The following ERCC8 variants were observed in gnomAD, a reference collection of about 807,000 sequenced individuals.
ERCC8 encodes the protein DNA excision repair protein ERCC-8.
Under a neutral mutation model 54.9 loss-of-function variants are expected in ERCC8, and 52 were observed. The observed-to-expected ratio is 0.95, with a 90% CI of 0.76 to 1.19. The LOEUF is 1.19. ERCC8 is among the 50% of genes most tolerant of loss of function. The pLI is 0.00. For missense variants in ERCC8, 514 were observed against 466.1 expected (o/e 1.10, Z -0.95); for synonymous variants, 146 against 157.2 (o/e 0.93, Z 0.53).
chr5:60,893,555 T>C, intron 9 of ERCC8: 1 of 697,548 alleles, frequency 1.4e-6, no homozygotes, highest in Admixed American at 2.2e-5. Context: ...TGGCTTTTCA[T>C]TTTTGTTTCT....
At chr5:60,895,237 T>A (rs1409422464) in intron 9 of ERCC8, among the ~76,000 whole-genome samples, 1 of 151,814 alleles carries the variant, frequency 6.6e-6, no homozygotes, top group African/African-American at 2.4e-5. Context: ...TGTGTATGTG[T>A]ATGTATATAT....
At chr5:60,924,599 G>A (rs761127625) in intron 2 of ERCC8, 8 of 154,440 alleles carry the variant, frequency 5.2e-5, no homozygotes, top group African/African-American at 1.9e-4. Flanking sequence ...TCCTAGAAAA[G>A]CTTTCTTGAA....
Position 60,867,622 on chromosome 5 carries a change from C to A in ERCC8, c.*6993G>T, listed in dbSNP as rs1747780745. 6.6e-6 allele frequency among the ~76,000 whole-genome samples: 1 copy of A among 152,108 alleles called. No homozygotes were observed. Among genetic ancestry groups the A allele is most frequent in the African/African-American group, 2.4e-5 (1 of 41,418 alleles). On this transcript the variant is annotated 3_prime_UTR_variant, in exon 12 of 12. Transcript: ENST00000676185. The stretch of plus-strand genomic sequence containing the variant: ...TTATTAGGAATGTTCTTTGTTTTAG[C>A]ATAAGTTTGAACAGTGTATTTATTT...
chr5:60,917,215 G>C (rs1355019812), intron 4 of ERCC8, among the ~76,000 whole-genome samples: 4 of 152,010 alleles, frequency 2.6e-5, no homozygotes, highest in Non-Finnish European at 5.9e-5. Flanking sequence ...GGCATCTACA[G>C]TCTTGGCTCA....
chr5:60,904,634 G>GTGTGTATA (rs1406862264), intron 5 of ERCC8, among the ~76,000 whole-genome samples, 158 bp downstream of exon 5: 10 of 49,928 alleles, frequency 2.0e-4, no homozygotes, highest in African/African-American at 8.4e-4. Context: ...GTGTGTGTGT[G>GTGTGTATA]TATATATATA....
intron 4 of ERCC8, among the ~76,000 whole-genome samples, chr5:60,916,677 G>A (rs1403899249): frequency 2.0e-5 from 3 of 151,688 alleles, no homozygotes; most frequent in African/African-American, 7.3e-5. Context: ...AATGTAGCAA[G>A]GTCAAAAAAA....
At chr5:60,890,180 T>C (rs1293102348) in intron 10 of ERCC8, among the ~76,000 whole-genome samples, 2 of 152,172 alleles carry the variant, frequency 1.3e-5, no homozygotes, top group Non-Finnish European at 2.9e-5. Flanking sequence ...AATGAATGAA[T>C]AGGAGATTCA....
At chr5:60,944,631 AAG>A (rs1750369684) in intron 1 of ERCC8, among the ~76,000 whole-genome samples, 1 of 152,088 alleles carries the variant, frequency 6.6e-6, no homozygotes, top group Non-Finnish European at 1.5e-5. Flanking sequence ...GGAGTAACTT[AAG>A]AGAGAAGGAA....
At chr5:60,927,715 T>C (rs560543122) in intron 2 of ERCC8, among the ~76,000 whole-genome samples, 2 of 152,310 alleles carry the variant, frequency 1.3e-5, no homozygotes, top group South Asian at 4.1e-4. Context: ...CTGCTGCTCA[T>C]GTCTGCATGT....
intron 4 of ERCC8, among the ~76,000 whole-genome samples, chr5:60,914,180 T>C (rs557440738): frequency 6.6e-6 from 1 of 152,222 alleles, no homozygotes; most frequent in East Asian, 1.9e-4. Context: ...TGTCTAATGT[T>C]GAGAGTGGGG....
At position 60,943,977 on chromosome 5, in the gene ERCC8, A is replaced by C. The variant is rs1750345329; in HGVS notation, c.77+955T>G. Among the ~76,000 whole-genome samples, 3 of 152,236 alleles carry C rather than the reference A, an allele frequency of 2.0e-5. No homozygotes were observed. The South Asian group carries it at 6.2e-4, about 32-fold the overall frequency. ...ATATTTAAATTTCTCCAGAACGCAG[A>C]ACTCATAAGCAACTGTGTTCTCCAA... On this transcript the variant is annotated intron_variant, in intron 1 of 11. Transcript: ENST00000676185.
At chr5:60,920,399 A>G (rs1749568512) in intron 3 of ERCC8, among the ~76,000 whole-genome samples, 1 of 151,948 alleles carries the variant, frequency 6.6e-6, no homozygotes, top group African/African-American at 2.4e-5. Flanking sequence ...TTATATTTTA[A>G]GTTTAAATTT....
At chr5:60,944,132 G>T (rs1750351374) in intron 1 of ERCC8, among the ~76,000 whole-genome samples, 1 of 151,432 alleles carries the variant, frequency 6.6e-6, no homozygotes, top group African/African-American at 2.4e-5. Context: ...CATAGATCTG[G>T]GAATCATTAT....
intron 11 of ERCC8, among the ~76,000 whole-genome samples, chr5:60,875,977 G>A (rs1041184842): frequency 6.6e-6 from 1 of 151,898 alleles, no homozygotes; most frequent in Non-Finnish European, 1.5e-5. Flanking sequence ...CCATGTTGGT[G>A]TGCTGCACCC....
chr5:60,944,479 T>C (rs2112555961), intron 1 of ERCC8, among the ~76,000 whole-genome samples: 1 of 152,336 alleles, frequency 6.6e-6, no homozygotes, highest in East Asian at 1.9e-4. Flanking sequence ...CCTACCCCAA[T>C]TCTCCGCTCT....
At chr5:60,878,718 C>T (rs1032247263) in intron 11 of ERCC8, among the ~76,000 whole-genome samples, 1 of 145,334 alleles carries the variant, frequency 6.9e-6, no homozygotes, top group African/African-American at 2.4e-5. Context: ...TGGTGATATC[C>T]CCTTTATCAT....
chr5:60,927,063 C>T (rs1275317603), intron 2 of ERCC8, among the ~76,000 whole-genome samples: 1 of 152,096 alleles, frequency 6.6e-6, no homozygotes, highest in Non-Finnish European at 1.5e-5. Flanking sequence ...ATGAAATTAA[C>T]TTAGAAGAAT....
At chr5:60,898,466 T>C (rs1748781935) in intron 8 of ERCC8, 66 bp from the exon 9 acceptor site, 1 of 1,582,840 alleles carries the variant, frequency 6.3e-7, no homozygotes, top group Non-Finnish European at 8.7e-7. Context: ...TGTTTGATGA[T>C]ATAATTAAAC....
In ERCC8 at chr5:60,917,974, A is replaced by G. The variant is rs1580022208; in HGVS notation, c.399+291T>C. On this transcript the variant is annotated intron_variant, in intron 4 of 11. Coordinates refer to ENST00000676185, the MANE Select transcript of ERCC8 (RefSeq NM_000082.4). ...GCATTTACTATATGCTATGTACTGTACTAGGTACTTTACATATTTTGGCTC... is the reference window on the plus strand; with the variant it reads ...GCATTTACTATATGCTATGTACTGTGCTAGGTACTTTACATATTTTGGCTC... 6 of 394,300 alleles carry G rather than the reference A, an allele frequency of 1.5e-5. No homozygotes were observed. In the East Asian group the frequency reaches 3.6e-4, roughly 24 times the overall value. 24.4% of individuals were successfully genotyped at this position (394,300 alleles called of 1,614,324 possible).
Sources: allele counts gnomAD v4.1 joint callset (sites outside exome capture counted in the v4.1 genomes callset), GRCh38; gene constraint gnomAD v4.1.1; transcripts MANE v1.5; gene names NCBI Gene and HGNC (gene_info 2026-07-23, HGNC 2026-07-21).